The following RHCE variants were observed in gnomAD, a reference collection of about 807,000 sequenced individuals.
RHCE encodes the protein blood group Rh(CE) polypeptide.
Under a neutral mutation model 43.8 loss-of-function variants are expected in RHCE, and 22 were observed. That is an observed-to-expected ratio of 0.50 (90% CI 0.36 to 0.72). RHCE has a LOEUF of 0.72. RHCE is among the 30% of genes least tolerant of loss of function. RHCE has a pLI of 0.00. For synonymous variants in RHCE, 156 were observed against 210.7 expected (o/e 0.74, Z 2.25); for missense variants, 385 against 525.4 (o/e 0.73, Z 2.61).
intron 1 of RHCE, among the ~76,000 whole-genome samples, chr1:25,414,873 C>T (rs1437183022): frequency 3.3e-5 from 5 of 152,140 alleles, no homozygotes; most frequent in Admixed American, 3.3e-4. Flanking sequence ...CTGAACCCAG[C>T]CCAGTTGTTG....
intron 2 of RHCE, 30 bp from the exon 3 acceptor site, chr1:25,402,776 T>G (rs1646798397): frequency 1.5e-5 from 24 of 1,613,764 alleles, no homozygotes; most frequent in Non-Finnish European, 2.0e-5. Context: ...CCAGGATGAC[T>G]GAGAAGGAAG....
chr1:25,415,185 C>A (rs1441661802), intron 1 of RHCE, among the ~76,000 whole-genome samples: 2 of 152,128 alleles, frequency 1.3e-5, no homozygotes, highest in Non-Finnish European at 2.9e-5. Context: ...TCCTAAATAT[C>A]TCTAGAATCT....
chr1:25,379,495 AT>A (rs770791604), intron 7 of RHCE, among the ~76,000 whole-genome samples: 63 of 27,034 alleles, frequency 2.3e-3, no homozygotes, highest in East Asian at 6.4e-3. Flanking sequence ...ATATATATAT[AT>A]TTTTTTTTTT....
At chr1:25,381,664 G>T (rs1646008110) in intron 7 of RHCE, among the ~76,000 whole-genome samples, 1 of 151,802 alleles carries the variant, frequency 6.6e-6, no homozygotes, top group Admixed American at 6.6e-5. Flanking sequence ...CACCATGTTA[G>T]CCAGGCTGGT....
chr1:25,428,022 CAT>C (rs199565736), intron 2 of RHCE, among the ~76,000 whole-genome samples: 3,019 of 152,326 alleles, frequency 0.02, 49 homozygotes, highest in Middle Eastern at 0.1. Flanking sequence ...TCTGCTTCCA[CAT>C]AGTCCTAGAG....
intron 8 of RHCE, among the ~76,000 whole-genome samples, chr1:25,373,354 T>C (rs1557599152): frequency 6.6e-6 from 1 of 151,798 alleles, no homozygotes; most frequent in South Asian, 2.1e-4. Context: ...ACCCAATTCA[T>C]TGCGAATTTA....
intron 1 of RHCE, among the ~76,000 whole-genome samples, chr1:25,414,042 T>G (rs1166705786): frequency 6.6e-6 from 1 of 152,110 alleles, no homozygotes; most frequent in Non-Finnish European, 1.5e-5. Context: ...GCCATGAGCA[T>G]TGAGCTCGCT....
intron 9 of RHCE, among the ~76,000 whole-genome samples, chr1:25,369,497 G>A (rs1423730658): frequency 1.3e-5 from 2 of 151,406 alleles, no homozygotes; most frequent in Non-Finnish European, 2.9e-5. Context: ...GAGGAGAGTG[G>A]GAGGGGAGGC....
intron 3 of RHCE, among the ~76,000 whole-genome samples, chr1:25,393,762 G>A (rs1319884663): frequency 1.3e-5 from 2 of 151,888 alleles, no homozygotes; most frequent in African/African-American, 4.8e-5. Flanking sequence ...CCTCTCGGGC[G>A]TCACCTCCTA....
chr1:25,396,182 C>A (rs1463648901), intron 3 of RHCE, among the ~76,000 whole-genome samples: 1 of 151,818 alleles, frequency 6.6e-6, no homozygotes. Flanking sequence ...AGAACTGGCT[C>A]GAAACTTCAA....
intron 1 of RHCE, among the ~76,000 whole-genome samples, chr1:25,416,300 G>A (rs1274834735): frequency 2.0e-5 from 3 of 151,886 alleles, no homozygotes; most frequent in East Asian, 1.9e-4. Flanking sequence ...GTCTCGCCCT[G>A]TTGCCCAGGC....
chr1:25,372,232 T>G (rs1645631790), intron 8 of RHCE, among the ~76,000 whole-genome samples: 1 of 151,564 alleles, frequency 6.6e-6, no homozygotes, highest in Non-Finnish European at 1.5e-5. Flanking sequence ...GTTTTAAGAA[T>G]TTGTTGGCCG....
rs1168607618 is a variant in RHCE, at chr1:25,375,791, CTTTT to C, written c.1074-367_1074-364del. Among the ~76,000 whole-genome samples, 37 of 123,442 alleles carry C rather than the reference CTTTT, an allele frequency of 3.0e-4. 1 individual carries two copies. Among genetic ancestry groups the C allele is most frequent in the Non-Finnish European group, 4.3e-4 (27 of 62,684 alleles). 81.0% of individuals were successfully genotyped at this position (123,442 alleles called of 152,430 possible). On this transcript the variant is annotated intron_variant, in intron 7 of 9. Transcript: ENST00000294413. ...AGAGCCTCCAGTTTTCTCTCTCTCTCTTTTTTTTTTTTTTTTTTCTGTTTTTGTT... is the reference window on the plus strand; with the variant it reads ...AGAGCCTCCAGTTTTCTCTCTCTCTCTTTTTTTTTTTTTTCTGTTTTTGTT...
At chr1:25,422,926 C>T (rs1206124186), upstream of RHCE, among the ~76,000 whole-genome samples, 1 of 152,092 alleles carries the variant, frequency 6.6e-6, no homozygotes, top group Non-Finnish European at 1.5e-5. Flanking sequence ...AATCTAATGC[C>T]GCTGCTGATC....
intron 6 of RHCE, among the ~76,000 whole-genome samples, 156 bp downstream of exon 6, chr1:25,388,820 C>G (rs893914709): frequency 4.1e-4 from 63 of 152,182 alleles, no homozygotes; most frequent in African/African-American, 1.5e-3. Context: ...AATGTGCCAC[C>G]GAGCCAGGAT....
intron 7 of RHCE, among the ~76,000 whole-genome samples, chr1:25,378,574 C>A (rs775354651): frequency 1.3e-5 from 2 of 152,208 alleles, no homozygotes; most frequent in Non-Finnish European, 2.9e-5. Flanking sequence ...CGTTTTCTTG[C>A]AAGTCAGCTT....
At chr1:25,425,165 A>G (rs111926271), upstream of RHCE, among the ~76,000 whole-genome samples, 3 of 152,202 alleles carry the variant, frequency 2.0e-5, no homozygotes, top group Admixed American at 1.3e-4. Flanking sequence ...TGAGCAACAT[A>G]AAGACAGGGA....
In RHCE at chr1:25,379,491, ATATATTTTTTTT is replaced by A. The variant is rs1557605650; in HGVS notation, c.1074-4075_1074-4064del. On this transcript the variant is annotated intron_variant, in intron 7 of 9. Coordinates refer to ENST00000294413, the MANE Select transcript of RHCE (RefSeq NM_020485.8). ...TATATATATATATATATATATATAT[ATATATTTTTTTT>A]TTTTTTTTTTTTTTTTTTAAAGATG... 1.0e-3 allele frequency among the ~76,000 whole-genome samples: 19 copies of A among 18,286 alleles called. 1 individual carries two copies. The highest frequency in any genetic ancestry group is 7.1e-3 in the African/African-American group (16 of 2,244). The allele number at this position is 18,286 out of a possible 152,430, so 12.0% of individuals were successfully genotyped here.
intron 2 of RHCE, among the ~76,000 whole-genome samples, chr1:25,407,006 C>G (rs973967821): frequency 8.3e-6 from 1 of 120,738 alleles, no homozygotes; most frequent in African/African-American, 2.6e-5. Flanking sequence ...CACTCAGCCT[C>G]AGCCTCACTG....
Sources: allele counts gnomAD v4.1 joint callset (sites outside exome capture counted in the v4.1 genomes callset), GRCh38; gene constraint gnomAD v4.1.1; transcripts MANE v1.5; gene names NCBI Gene and HGNC (gene_info 2026-07-23, HGNC 2026-07-21).